The following ME3 variants were observed in gnomAD, a reference collection of about 807,000 sequenced individuals.
ME3 encodes the protein NADP-dependent malic enzyme, mitochondrial.
ME3 carries 48 observed loss-of-function variants against 68.9 expected under a neutral mutation model. The ratio of observed to expected loss-of-function variants is 0.70; its 90% CI spans 0.55 to 0.89. The LOEUF is 0.89. Ranked by LOEUF, ME3 falls within the 40% of genes least tolerant of loss-of-function variation. The pLI is 0.00. For missense variants in ME3, 675 were observed against 797.4 expected, an observed-to-expected ratio of 0.85 and a Z score of 1.85; for synonymous variants, 320 against 318.8, an observed-to-expected ratio of 1.00 and a Z score of -0.04.
At chr11:86,522,763 C>G (rs680846) in intron 4 of ME3, among the ~76,000 whole-genome samples, 24,537 of 152,076 alleles carry the variant, frequency 0.16, 2,070 homozygotes, top group East Asian at 0.26. Context: ...GCCACATTTT[C>G]TTTATCCAGT....
intron 6 of ME3, among the ~76,000 whole-genome samples, chr11:86,495,166 ATCT>A (rs1424391937): frequency 1.3e-5 from 2 of 152,318 alleles, no homozygotes; most frequent in East Asian, 3.9e-4. Flanking sequence ...CTTCTAGCAG[ATCT>A]TCTTGGGCAA....
intron 4 of ME3, among the ~76,000 whole-genome samples, chr11:86,543,648 C>T (rs1286797169): frequency 1.3e-5 from 2 of 152,296 alleles, no homozygotes; most frequent in African/African-American, 4.8e-5. Context: ...CACCCAGATT[C>T]ATAAAACAAG....
At position 86,531,025 on chromosome 11, in the gene ME3, G is replaced by T. The variant is rs1373913755; in HGVS notation, c.468-22158C>A. On this transcript the variant is annotated intron_variant, in intron 4 of 14. Coordinates refer to ENST00000543262, the Ensembl canonical transcript of ME3. ...GATCTAATTAAACTAAAGAGCTTCT[G>T]CACAGCAAAAGAAACTACCATCAGA... Among the ~76,000 whole-genome samples the T allele has an allele frequency of 2.0e-5, 3 of 152,206 alleles. No homozygotes were observed. In the East Asian group the frequency reaches 5.8e-4, roughly 29 times the overall value.
chr11:86,605,716 C>G (rs1961527947), intron 2 of ME3, among the ~76,000 whole-genome samples: 1 of 152,072 alleles, frequency 6.6e-6, no homozygotes, highest in Non-Finnish European at 1.5e-5. Flanking sequence ...TTTGTAACAA[C>G]CCTTTAAAAT....
intron 2 of ME3, among the ~76,000 whole-genome samples, chr11:86,664,813 G>A (rs566362219): frequency 6.6e-6 from 1 of 152,288 alleles, no homozygotes; most frequent in African/African-American, 2.4e-5. Context: ...CTGGTTCCAA[G>A]GCACCACCTG....
chr11:86,462,667 G>C lies in ME3; in HGVS notation c.919+2424C>G, dbSNP rs150219096. 593 of 1,133,996 alleles carry C rather than the reference G, an allele frequency of 5.2e-4. 5 individuals carry two copies. In the African/African-American group the frequency reaches 8.9e-3, roughly 17 times the overall value. The allele number at this position is 1,133,996 out of a possible 1,614,324, so 70.2% of individuals were successfully genotyped here. A position where few individuals can be genotyped will look rare whatever the true frequency, so the allele number is the denominator to read the frequency against. ...TAGGCATCTATCATGTAGCAGGCGCGGTGCTGGGAGCTGGGGAACAAGAAT... is the reference window on the plus strand; with the variant it reads ...TAGGCATCTATCATGTAGCAGGCGCCGTGCTGGGAGCTGGGGAACAAGAAT... On this transcript the variant is annotated intron_variant, in intron 8 of 14. Transcript: ENST00000543262.
At chr11:86,543,481 CA>C (rs1182007191) in intron 4 of ME3, among the ~76,000 whole-genome samples, 1 of 151,648 alleles carries the variant, frequency 6.6e-6, no homozygotes, top group East Asian at 1.9e-4. Flanking sequence ...AAATGGAAAG[CA>C]AAAAAAGCAG....
At chr11:86,569,241 A>G (rs1411215269) in intron 2 of ME3, among the ~76,000 whole-genome samples, 1 of 152,208 alleles carries the variant, frequency 6.6e-6, no homozygotes, top group Non-Finnish European at 1.5e-5. Flanking sequence ...CTGAAGTGAC[A>G]TTACCACATC....
At chr11:86,555,490 G>A (rs948947894) in intron 4 of ME3, among the ~76,000 whole-genome samples, 1 of 152,168 alleles carries the variant, frequency 6.6e-6, no homozygotes, top group African/African-American at 2.4e-5. Context: ...CTGGCATAGT[G>A]AGCCTCTATA....
chr11:86,596,333 G>A lies in ME3; in HGVS notation c.184-36510C>T, dbSNP rs191242610. Among the ~76,000 whole-genome samples, 147 of 152,314 alleles carry A rather than the reference G, an allele frequency of 9.7e-4. No individual in the cohort carries two copies. In the Middle Eastern group the frequency reaches 0.014, roughly 14 times the overall value. On this transcript the variant is annotated intron_variant, in intron 2 of 14. Transcript: ENST00000543262. ...GACTAGTGAAAAAAATGGGCAGAAT[G>A]TAAAGTGCCCTGTAAATATCCTACT... is the stretch of plus-strand genomic sequence containing the variant.
At chr11:86,642,321 T>A (rs1944719690) in intron 2 of ME3, among the ~76,000 whole-genome samples, 1 of 152,212 alleles carries the variant, frequency 6.6e-6, no homozygotes. Context: ...CCCACCCATA[T>A]CTTTGTGATT....
intron 2 of ME3, among the ~76,000 whole-genome samples, chr11:86,628,100 C>A (rs1225196640): frequency 6.6e-6 from 1 of 152,218 alleles, no homozygotes; most frequent in Non-Finnish European, 1.5e-5. Flanking sequence ...TGGTAGACAT[C>A]TTTTGGGTGC....
chr11:86,442,352 C>T (rs1398994044), intron 14 of ME3, among the ~76,000 whole-genome samples: 5 of 152,096 alleles, frequency 3.3e-5, no homozygotes, highest in African/African-American at 1.2e-4. Flanking sequence ...CTGCCAATCT[C>T]CAGAATTCTG....
chr11:86,635,225 A>G (rs914890345), intron 2 of ME3, among the ~76,000 whole-genome samples: 1 of 152,198 alleles, frequency 6.6e-6, no homozygotes, highest in Non-Finnish European at 1.5e-5. Flanking sequence ...TTGGCCCTGT[A>G]AGAAGAGGAT....
chr11:86,481,913 G>A (rs1261036691), intron 7 of ME3, among the ~76,000 whole-genome samples: 1 of 152,150 alleles, frequency 6.6e-6, no homozygotes, highest in Admixed American at 6.5e-5. Context: ...CAACCATGAT[G>A]CTCATCCCTG....
chr11:86,629,124 T>C (rs949350), intron 2 of ME3, among the ~76,000 whole-genome samples: 32,349 of 152,082 alleles, frequency 0.21, 3,706 homozygotes, highest in East Asian at 0.4. Flanking sequence ...TGACTGATGG[T>C]TTGTCTTTTG....
intron 2 of ME3, among the ~76,000 whole-genome samples, chr11:86,593,027 T>A (rs1437932968): frequency 6.6e-6 from 1 of 152,128 alleles, no homozygotes; most frequent in Non-Finnish European, 1.5e-5. Flanking sequence ...CTGCATGGGG[T>A]TACAAGGTTT....
intron 6 of ME3, among the ~76,000 whole-genome samples, chr11:86,493,107 T>G (rs1470491635): frequency 6.6e-6 from 1 of 152,054 alleles, no homozygotes; most frequent in Non-Finnish European, 1.5e-5. Flanking sequence ...CACCACATGG[T>G]GAATGCTGAA....
At chr11:86,479,318 C>A (rs1322438584) in intron 7 of ME3, among the ~76,000 whole-genome samples, 2 of 152,166 alleles carry the variant, frequency 1.3e-5, no homozygotes, top group Non-Finnish European at 2.9e-5. Context: ...CTTGCAGACA[C>A]CATATCATGG....
Sources: allele counts gnomAD v4.1 joint callset (sites outside exome capture counted in the v4.1 genomes callset), GRCh38; gene constraint gnomAD v4.1.1; transcripts MANE v1.5; gene names NCBI Gene and HGNC (gene_info 2026-07-23, HGNC 2026-07-21).